The following MINK1 variants were observed in gnomAD, a reference collection of about 807,000 sequenced individuals.
MINK1 encodes the protein misshapen like kinase 1, also known as misshapen-like kinase 1.
A neutral mutation model predicts 178.4 loss-of-function variants in MINK1; 46 were observed. The observed-to-expected ratio is 0.26, with a 90% CI of 0.20 to 0.33. The LOEUF (loss-of-function observed/expected upper bound fraction) is 0.33, where lower values mean the gene tolerates loss of function less well. MINK1 is among the 10% of genes least tolerant of loss of function. The probability of loss-of-function intolerance (pLI) is 1.00; values close to 1 mark genes in which losing one functional copy is unlikely to be tolerated. For synonymous variants in MINK1, 797 were observed against 709.7 expected, an observed-to-expected ratio of 1.12 and a Z score of -1.96; for missense variants, 1,366 against 1,814.9, an observed-to-expected ratio of 0.75 and a Z score of 4.49.
chr17:4,894,015 C>A lies in MINK1; in HGVS notation c.2592C>A (p.Ser864Arg), dbSNP rs1478587826. 1.3e-6 allele frequency: 2 copies of A among 1,590,700 alleles called. No individual in the cohort carries two copies. Among genetic ancestry groups the A allele is most frequent in the African/African-American group, 1.3e-5 (1 of 74,162 alleles). The part of the protein sequence containing the change: ...GRSDGDTDSV[S>R]TMVVHDVEEI... ...GCGATGGGGATACAGACAGCGTCAG[C>A]ACCATGGTGGTCCACGACGTCGAGG... Residue 864 changes from serine to arginine, a missense_variant, in exon 22 of 32, where the codon AGC becomes AGA. This residue lies in a region of MINK1 where 709 missense variants were observed against 692.3 expected (regional missense o/e 1.02). Transcript: ENST00000355280. This position sits in a 1 kb window ranked among gnomAD's most constrained non-coding sequence, Gnocchi z 4.1.
intron 1 of MINK1, among the ~76,000 whole-genome samples, chr17:4,838,788 A>T (rs1002144007): frequency 4.6e-5 from 7 of 152,114 alleles, no homozygotes; most frequent in African/African-American, 1.7e-4. Context: ...CCTGTCCTCC[A>T]CCAGTCAGTC....
chr17:4,884,239 C>A, intron 4 of MINK1, 124 bp from the exon 5 acceptor site: 1 of 707,050 alleles, frequency 1.4e-6, no homozygotes, highest in Non-Finnish European at 2.5e-6. Context: ...TGCTCTCTAG[C>A]TCATACCAGT....
At chr17:4,840,700 A>G (rs184353610) in intron 1 of MINK1, among the ~76,000 whole-genome samples, 1 of 152,218 alleles carries the variant, frequency 6.6e-6, no homozygotes, top group African/African-American at 2.4e-5. Flanking sequence ...TAGATAGTGT[A>G]TATAAATAGA....
intron 1 of MINK1, chr17:4,875,187 A>G (rs1967074436): frequency 5.8e-6 from 3 of 519,940 alleles, no homozygotes; most frequent in South Asian, 2.8e-5. Context: ...TCTAGAACTG[A>G]AGACGGATGA....
intron 1 of MINK1, among the ~76,000 whole-genome samples, chr17:4,869,206 G>C (rs1000126161): frequency 6.6e-6 from 1 of 151,236 alleles, no homozygotes; most frequent in South Asian, 2.1e-4. Flanking sequence ...TTACAGATGT[G>C]AGCCACCGCT....
intron 20 of MINK1, 40 bp from the exon 21 acceptor site, chr17:4,893,394 C>T (rs756952563): frequency 6.2e-7 from 1 of 1,601,454 alleles, no homozygotes; most frequent in East Asian, 2.3e-5. Context: ...TCCACCCAGG[C>T]CCAGCTTCTC....
intron 18 of MINK1, 50 bp from the exon 19 acceptor site, chr17:4,892,606 A>C (rs1433907328): frequency 1.3e-6 from 2 of 1,551,180 alleles, no homozygotes; most frequent in Non-Finnish European, 1.8e-6. Flanking sequence ...TCAGCACCCC[A>C]GAGAAGGGAG....
At position 4,895,511 on chromosome 17, in the gene MINK1, G is replaced by T. The variant is rs376247041; in HGVS notation, c.3229+18G>T. ...CATCTCAGGTACAGGTGTGGTGAGT[G>T]GGGGAGGGAGGAGGGGCTCAGCTCC... is the stretch of plus-strand genomic sequence containing the variant. On this transcript the variant is annotated intron_variant, in intron 26 of 31. Transcript: ENST00000355280. The surrounding 1 kb of genome is among the most constrained non-coding windows in gnomAD (Gnocchi z 4.3). 4.5e-6 allele frequency: 7 copies of T among 1,559,512 alleles called. No individual in the cohort carries two copies. The highest frequency in any genetic ancestry group is 3.5e-4 in the Middle Eastern group (2 of 5,764).
chr17:4,893,344 C>T (rs1254578214), intron 20 of MINK1, 90 bp from the exon 21 acceptor site: 3 of 1,613,304 alleles, frequency 1.9e-6, no homozygotes, highest in Admixed American at 1.7e-5. Context: ...GGAGCCCCTC[C>T]TGTCGCCCTG....
In MINK1 at chr17:4,892,173, G is replaced by A. The variant is rs760964514; in HGVS notation, c.2026G>A (p.Ala676Thr). The change falls in exon 17 of 32, where the codon GCC becomes ACC. Residue 676 changes from alanine (A) to threonine (T), a missense_variant. Physicochemically the swap from Ala to Thr is moderately conservative, Grantham distance 58. Around this residue, in one of 14 missense-constraint regions of MINK1, gnomAD observed 709 missense variants for 692.3 expected, o/e 1.02. Transcript: ENST00000355280. ...GGTGCCTCAGAGGACCTCATCTATC[G>A]CCACTGCCCTTAACACCAGTGGGGC... is the stretch of plus-strand genomic sequence containing the variant. ...PKVPQRTSSI[A>T]TALNTSGAGG... 1.4e-5 allele frequency: 23 copies of A among 1,600,774 alleles called. No individual in the cohort carries two copies. Among genetic ancestry groups the A allele is most frequent in the East Asian group, 4.5e-5 (2 of 44,074 alleles).
intron 1 of MINK1, among the ~76,000 whole-genome samples, chr17:4,874,834 G>A (rs1166144275): frequency 6.6e-6 from 1 of 152,014 alleles, no homozygotes; most frequent in African/African-American, 2.4e-5. Flanking sequence ...CTGAACCCAG[G>A]GTGTCTGACC....
rs1471771451 is a variant in MINK1 at position 4,885,155 on chromosome 17, G to A, written c.508+153G>A. Among the ~76,000 whole-genome samples the A allele has an allele frequency of 1.3e-5, 2 of 152,150 alleles. No homozygotes were observed. Among genetic ancestry groups the A allele is most frequent in the African/African-American group, 4.8e-5 (2 of 41,428 alleles). On this transcript the variant is annotated intron_variant, in intron 6 of 31. Coordinates refer to ENST00000355280, the MANE Select transcript of MINK1 (RefSeq NM_153827.5). The surrounding 1 kb of genome is among the most constrained non-coding windows in gnomAD (Gnocchi z 5.0). ...TTCCCCTCTCCCCCTGGAATGCCCT[G>A]CCTCCTGCTGAAAATCCCTCAGGAA...
At position 4,881,194 on chromosome 17, in the gene MINK1, C is replaced by T; in HGVS notation, c.243C>T (p.Asn81=). Residue 81 remains asparagine, a synonymous_variant, in exon 4 of 32, where the codon AAC becomes AAT. Coordinates refer to ENST00000355280, the MANE Select transcript of MINK1 (RefSeq NM_153827.5). ...TGAAAAAGTACTCTCACCACCGCAA[C>T]ATCGCCACCTACTACGGAGCCTTCA... is the stretch of plus-strand genomic sequence containing the variant. The part of the protein sequence containing the change: ...NMLKKYSHHR[N]IATYYGAFIK... The T allele has an allele frequency of 6.5e-7, 1 of 1,537,248 alleles. No homozygotes were observed. Among genetic ancestry groups the T allele is most frequent in the South Asian group, 1.2e-5 (1 of 84,050 alleles).
chr17:4,863,771 T>C (rs1914531689), intron 1 of MINK1, among the ~76,000 whole-genome samples: 1 of 139,496 alleles, frequency 7.2e-6, no homozygotes, highest in South Asian at 2.3e-4. Context: ...CAAAAATTGC[T>C]AGCTGTCTCA....
chr17:4,890,714 C>G lies in MINK1; in HGVS notation c.1545C>G (p.Asp515Glu). 1 of 1,548,306 alleles carries G rather than the reference C, an allele frequency of 6.5e-7. No individual in the cohort carries two copies. The highest frequency in any genetic ancestry group is 8.7e-7 in the Non-Finnish European group (1 of 1,145,378). Residue 515 changes from aspartate (D) to glutamate (E), a missense_variant, in exon 14 of 32, where the codon GAC (aspartate) becomes GAG (glutamate). Physicochemically the swap from Asp to Glu is conservative, Grantham distance 45 (BLOSUM62 2). This residue lies in a region of MINK1 where 709 missense variants were observed against 692.3 expected (regional missense o/e 1.02). Transcript: ENST00000355280. ...ATGGTCGGGGCATGAATCCCGCTGA[C>G]AAACCAGCCTGGGCCCGAGAGGTAC... ...YHYGRGMNPA[D>E]KPAWAREVEE...
In MINK1 at chr17:4,886,964, C is replaced by T; in HGVS notation, c.950-146C>T. On this transcript the variant is annotated intron_variant, in intron 10 of 31. Transcript: ENST00000355280. This position sits in a 1 kb window ranked among gnomAD's most constrained non-coding sequence, Gnocchi z 6.1. Reference sequence around the variant, plus strand: ...TGTCCAGGCCCACACCTGAGACCCGCTGTCCTCCCATTGCCCCCAGGAAGT... The same window carrying T: ...TGTCCAGGCCCACACCTGAGACCCGTTGTCCTCCCATTGCCCCCAGGAAGT... The T allele has an allele frequency of 1.3e-6, 1 of 763,470 alleles. No individual in the cohort carries two copies. Among genetic ancestry groups the T allele is most frequent in the Non-Finnish European group, 2.1e-6 (1 of 465,752 alleles). 47.3% of individuals were successfully genotyped at this position (763,470 alleles called of 1,614,324 possible). A position where few individuals can be genotyped will look rare whatever the true frequency, so the allele number is the denominator to read the frequency against.
At chr17:4,877,281 G>T (rs1196179165) in intron 1 of MINK1, among the ~76,000 whole-genome samples, 5 of 152,194 alleles carry the variant, frequency 3.3e-5, no homozygotes, top group Admixed American at 3.3e-4. Flanking sequence ...CCTGCTCTTG[G>T]CCCAGGGGGA....
At chr17:4,889,805 C>T (rs1968594853) in intron 13 of MINK1, 42 bp downstream of exon 13, 3 of 1,408,216 alleles carry the variant, frequency 2.1e-6, no homozygotes, top group Admixed American at 2.2e-5. Flanking sequence ...CGCCCTCCCG[C>T]TCCTGCTGCC....
rs577236988 is a variant in MINK1 at position 4,897,454 on chromosome 17, C to T, written c.*167C>T. The T allele has an allele frequency of 1.8e-4, 109 of 601,576 alleles. 1 individual carries two copies. In the South Asian group the frequency reaches 1.9e-3, roughly 11 times the overall value. The allele number at this position is 601,576 out of a possible 1,614,324, so 37.3% of individuals were successfully genotyped here. ...CTGACCCCTGATGCTTTCGTGATCACGTGACCATCCTCTTCCCCAACATGT... is the reference window on the plus strand; with the variant it reads ...CTGACCCCTGATGCTTTCGTGATCATGTGACCATCCTCTTCCCCAACATGT... On this transcript the variant is annotated 3_prime_UTR_variant, in exon 32 of 32. Coordinates refer to ENST00000355280, the MANE Select transcript of MINK1 (RefSeq NM_153827.5).
Sources: allele counts gnomAD v4.1 joint callset (sites outside exome capture counted in the v4.1 genomes callset), GRCh38; gene constraint gnomAD v4.1.1; regional missense constraint gnomAD v4.1.1; non-coding constraint Gnocchi (gnomAD v3.1); transcripts MANE v1.5; gene names NCBI Gene and HGNC (gene_info 2026-07-23, HGNC 2026-07-21).